Variants in ABCA3 observed in about 807,000 individuals in gnomAD.
ABCA3 encodes the protein ATP binding cassette subfamily A member 3, also known as phospholipid-transporting ATPase ABCA3.
Under a neutral mutation model 172.8 loss-of-function variants are expected in ABCA3, and 88 were observed. That is an observed-to-expected ratio of 0.51 (90% confidence interval 0.43 to 0.61). The LOEUF (loss-of-function observed/expected upper bound fraction) is 0.61, where lower values mean the gene tolerates loss of function less well. ABCA3 is among the 20% of genes least tolerant of loss of function. ABCA3 has a pLI of 0.00. For synonymous variants in ABCA3, 1,066 were observed against 983.8 expected (o/e 1.08, Z -1.56); for missense variants, 2,164 against 2,301.0 (o/e 0.94, Z 1.22).
Position 2,289,535 on chromosome 16 carries a change from C to G in ABCA3, c.2599G>C (p.Asp867His). ...LQYQHERRAS[D>H]WAVDSNLCGA... The stretch of plus-strand genomic sequence containing the variant: ...CAGAGGTTGCTGTCCACAGCCCAGT[C>G]GCTGGCGCGCCTCTCGTGCTGGTAC... Residue 867 changes from aspartate to histidine, a missense_variant, in exon 20 of 33, where the codon GAC becomes CAC. Physicochemically the swap from Asp to His is moderately conservative, Grantham distance 81. Coordinates refer to ENST00000301732, the MANE Select transcript of ABCA3 (RefSeq NM_001089.3). 1 of 1,576,394 alleles carries G rather than the reference C, an allele frequency of 6.3e-7. No homozygotes were observed. Among genetic ancestry groups the G allele is most frequent in the Admixed American group, 1.9e-5 (1 of 53,710 alleles).
chr16:2,302,043 G>T (rs1483139382), intron 12 of ABCA3, among the ~76,000 whole-genome samples: 2 of 152,280 alleles, frequency 1.3e-5, no homozygotes, highest in East Asian at 1.9e-4. Context: ...TTAAGGGCGT[G>T]TTCCTGCTGC....
chr16:2,331,061 C>T, intron 1 of ABCA3, among the ~76,000 whole-genome samples: 1 of 152,168 alleles, frequency 6.6e-6, no homozygotes, highest in Non-Finnish European at 1.5e-5. Context: ...TGTCTTCTAA[C>T]TACTACACTA....
At chr16:2,328,802 G>A (rs1596868595) in intron 2 of ABCA3, 45 bp from the exon 3 acceptor site, 3 of 221,918 alleles carry the variant, frequency 1.4e-5, no homozygotes, top group South Asian at 6.3e-5. Flanking sequence ...TAAGATGCAC[G>A]GGATAGAAAG....
chr16:2,322,343 T>G (rs565051843), intron 7 of ABCA3, among the ~76,000 whole-genome samples: 1 of 152,208 alleles, frequency 6.6e-6, no homozygotes, highest in African/African-American at 2.4e-5. Context: ...ACTTTTCCTA[T>G]AAACAAGAGT....
Position 2,284,498 on chromosome 16 carries a change from G to A in ABCA3, c.3704-61C>T, listed in dbSNP as rs1345046337. 9 of 1,603,332 alleles carry A rather than the reference G, an allele frequency of 5.6e-6. No homozygotes were observed. The highest frequency in any genetic ancestry group is 3.3e-5 in the Admixed American group (2 of 59,970). On this transcript the variant is annotated intron_variant, in intron 24 of 32. Coordinates refer to ENST00000301732, the MANE Select transcript of ABCA3 (RefSeq NM_001089.3). The surrounding 1 kb of genome is among the most constrained non-coding windows in gnomAD (Gnocchi z 5.9). ...GGCACACCACACCCACCTCCAGGAC[G>A]GGCCTGGTCAGGGCGGGCACAGGGC...
intron 8 of ABCA3, among the ~76,000 whole-genome samples, chr16:2,319,229 T>A (rs573273571): frequency 3.3e-5 from 5 of 152,192 alleles, no homozygotes; most frequent in Admixed American, 6.6e-5. Context: ...CTCACGCCTG[T>A]AATCCCAGCA....
intron 17 of ABCA3, among the ~76,000 whole-genome samples, chr16:2,296,142 G>A (rs1371846209): frequency 6.6e-6 from 1 of 152,180 alleles, no homozygotes; most frequent in African/African-American, 2.4e-5. Context: ...AGGAGCAAGA[G>A]CTACCGGCTG....
At chr16:2,324,592 G>A in intron 5 of ABCA3, 61 bp from the exon 6 acceptor site, 8 of 1,599,616 alleles carry the variant, frequency 5.0e-6, no homozygotes, top group Non-Finnish European at 6.8e-6. Context: ...TGAAAAATCT[G>A]CGTGGTTCAG....
At chr16:2,290,712 C>T (rs1045665804) in intron 19 of ABCA3, among the ~76,000 whole-genome samples, 4 of 152,316 alleles carry the variant, frequency 2.6e-5, no homozygotes, top group South Asian at 2.1e-4. Context: ...CTCCCTCCGC[C>T]GCCTTGCCTG....
chr16:2,304,325 A>G (rs1383410509), intron 11 of ABCA3, among the ~76,000 whole-genome samples, 175 bp from the exon 12 acceptor site: 1 of 152,112 alleles, frequency 6.6e-6, no homozygotes, highest in African/African-American at 2.4e-5. Context: ...CAAGCCTGGA[A>G]GATAAACTCA....
At chr16:2,303,628 T>C (rs2093692920) in intron 12 of ABCA3, among the ~76,000 whole-genome samples, 2 of 152,056 alleles carry the variant, frequency 1.3e-5, no homozygotes, top group South Asian at 4.1e-4. Context: ...AATAAGATAC[T>C]TTTCACAAGA....
At chr16:2,318,799 C>T (rs1225323184) in intron 8 of ABCA3, among the ~76,000 whole-genome samples, 1 of 152,176 alleles carries the variant, frequency 6.6e-6, no homozygotes. Context: ...AGGTGTGAGC[C>T]AGTGCCCAGG....
chr16:2,288,026 C>T lies in ABCA3; in HGVS notation c.3004G>A (p.Gly1002Ser), dbSNP rs747391972. 4 of 1,605,064 alleles carry T rather than the reference C, an allele frequency of 2.5e-6. No individual in the cohort carries two copies. The highest frequency in any genetic ancestry group is 2.2e-5 in the East Asian group (1 of 44,878). ...GTCCCGCCCCCGGGATGCCCCTTAC[C>T]GAGCACCTCGCGGGGCTCCTGTCCC... ...AEGQEPREVL[G>S]DLEEFLIFRA... Residue 1002 changes from glycine to serine, a missense_variant and splice_region_variant, in exon 21 of 33, where the codon GGT becomes AGT. Coordinates refer to ENST00000301732, the MANE Select transcript of ABCA3 (RefSeq NM_001089.3).
In ABCA3 at chr16:2,324,404, C is replaced by T. The variant is rs764886172; in HGVS notation, c.447G>A (p.Ala149=). 7 of 1,595,050 alleles carry T rather than the reference C, an allele frequency of 4.4e-6. No individual in the cohort carries two copies. The highest frequency in any genetic ancestry group is 2.2e-5 in the East Asian group (1 of 44,482). ...TGCTCGGCCCGGCCGCACGTCTCAC[C>T]GCCAGCGGCAGGGGCTCCTTGCTGT... The part of the protein sequence containing the change: ...FNHSKEPLPL[A]VKYHLRFSYT... Residue 149 remains alanine (A), a splice_region_variant and synonymous_variant, in exon 6 of 33, where the codon GCG becomes GCA. Transcript: ENST00000301732.
chr16:2,295,231 A>G (rs1394362877), intron 18 of ABCA3, among the ~76,000 whole-genome samples: 1 of 152,226 alleles, frequency 6.6e-6, no homozygotes, highest in Non-Finnish European at 1.5e-5. Context: ...CACCACCCAC[A>G]TACAAATACA....
intron 1 of ABCA3, among the ~76,000 whole-genome samples, chr16:2,332,935 C>A (rs2093745841): frequency 6.6e-6 from 1 of 152,056 alleles, no homozygotes; most frequent in South Asian, 2.1e-4. Flanking sequence ...GCCCCCTGAG[C>A]AGCTGGGACC....
chr16:2,310,886 G>A (rs1315473072), intron 10 of ABCA3, among the ~76,000 whole-genome samples: 1 of 151,976 alleles, frequency 6.6e-6, no homozygotes, highest in South Asian at 2.1e-4. Flanking sequence ...ACGATGTTTC[G>A]CATTTTTGTA....
At chr16:2,328,328 G>A (rs1028985141) in intron 3 of ABCA3, 125 bp downstream of exon 3, 6 of 319,462 alleles carry the variant, frequency 1.9e-5, no homozygotes, top group East Asian at 7.8e-5. Flanking sequence ...CCAGGAGTTC[G>A]AGACCAGCCT....
chr16:2,308,643 C>T lies in ABCA3; in HGVS notation c.1112-20G>A, dbSNP rs746701685. On this transcript the variant is annotated intron_variant, in intron 10 of 32. Coordinates refer to ENST00000301732, the MANE Select transcript of ABCA3 (RefSeq NM_001089.3). ...TGTTGGCTGCAGGTGTTGGAAGACC[C>T]GGGGGGCGTGAGCGTCAGTGCCCTC... 10 of 1,613,178 alleles carry T rather than the reference C, an allele frequency of 6.2e-6. No individual in the cohort carries two copies. The highest frequency in any genetic ancestry group is 2.2e-5 in the South Asian group (2 of 91,000).
Sources: gnomAD v4.1 joint callset for allele counts (sites outside exome capture counted in the v4.1 genomes callset) on GRCh38, gnomAD v4.1.1 for gene constraint, Gnocchi (gnomAD v3.1) non-coding constraint, MANE v1.5 for transcripts, NCBI Gene and HGNC (gene_info 2026-07-23, HGNC 2026-07-21) for gene names.